The following SAMD3 variants were observed in gnomAD, a reference collection of about 807,000 sequenced individuals.
SAMD3 encodes sterile alpha motif domain-containing protein 3.
A neutral mutation model predicts 58.5 loss-of-function variants in SAMD3; 63 were observed. The ratio of observed to expected loss-of-function variants is 1.08; its 90% CI spans 0.88 to 1.33. SAMD3 has a LOEUF of 1.33. Ranked by LOEUF, SAMD3 falls within the 40% of genes most tolerant of loss-of-function variation. The pLI, the probability that SAMD3 is intolerant of heterozygous loss-of-function variation, is 0.00. For synonymous variants in SAMD3, 220 were observed against 210.3 expected (o/e 1.05, Z -0.40); for missense variants, 604 against 608.4 (o/e 0.99, Z 0.08).
chr6:130,283,234 CAGGT>C (rs371363761), intron 2 of SAMD3, among the ~76,000 whole-genome samples: 5 of 152,068 alleles, frequency 3.3e-5, no homozygotes, highest in African/African-American at 1.2e-4. Flanking sequence ...AATTAGAAAA[CAGGT>C]AGGAGAAATT....
chr6:130,357,109 C>T (rs1777853075), intron 1 of SAMD3, among the ~76,000 whole-genome samples: 1 of 149,440 alleles, frequency 6.7e-6, no homozygotes, highest in Non-Finnish European at 1.5e-5. Context: ...AAATTATCTG[C>T]CATGGCATCT....
chr6:130,234,367 T>G (rs1337255153), intron 2 of SAMD3, among the ~76,000 whole-genome samples: 4 of 152,194 alleles, frequency 2.6e-5, no homozygotes, highest in Non-Finnish European at 4.4e-5. Context: ...TGACTATTTC[T>G]TCTCAATATC....
intron 8 of SAMD3, among the ~76,000 whole-genome samples, chr6:130,162,915 T>A (rs1790396319): frequency 6.6e-6 from 1 of 152,194 alleles, no homozygotes; most frequent in African/African-American, 2.4e-5. Flanking sequence ...AAATTGATAT[T>A]TCTAATTTTT....
chr6:130,231,656 G>A (rs1582983456), intron 2 of SAMD3, among the ~76,000 whole-genome samples: 1 of 152,128 alleles, frequency 6.6e-6, no homozygotes, highest in East Asian at 1.9e-4. Context: ...TTAAATGTTG[G>A]GTGTTTAAAT....
intron 1 of SAMD3, among the ~76,000 whole-genome samples, chr6:130,356,456 G>A (rs971090390): frequency 6.6e-6 from 1 of 152,152 alleles, no homozygotes; most frequent in Non-Finnish European, 1.5e-5. Flanking sequence ...CTCATCCCAG[G>A]ATTACTGTCT....
chr6:130,291,405 G>A (rs1180040988), intron 2 of SAMD3, among the ~76,000 whole-genome samples: 2 of 152,124 alleles, frequency 1.3e-5, no homozygotes, highest in South Asian at 4.1e-4. Context: ...ATGCCCAGCC[G>A]ATAATTGACC....
chr6:130,169,796 C>T (rs760857886), intron 8 of SAMD3, among the ~76,000 whole-genome samples: 1 of 152,196 alleles, frequency 6.6e-6, no homozygotes, highest in African/African-American at 2.4e-5. Flanking sequence ...TATTTAGACT[C>T]GTGTCCAGGG....
intron 7 of SAMD3, chr6:130,182,899 G>A (rs1024695592): frequency 6.3e-6 from 1 of 158,106 alleles, no homozygotes; most frequent in Admixed American, 6.2e-5. Flanking sequence ...GGCATATAGA[G>A]ATACAGGGAA....
At chr6:130,282,834 C>T (rs1244949224) in intron 2 of SAMD3, among the ~76,000 whole-genome samples, 3 of 152,082 alleles carry the variant, frequency 2.0e-5, no homozygotes, top group African/African-American at 7.2e-5. Flanking sequence ...AAAAATTGGA[C>T]CCAGCAGGGT....
intron 2 of SAMD3, among the ~76,000 whole-genome samples, chr6:130,284,427 C>T (rs775415437): frequency 1.3e-5 from 2 of 151,608 alleles, no homozygotes; most frequent in African/African-American, 2.4e-5. Flanking sequence ...CTTAGTTAAT[C>T]TTATAGAAGG....
intron 1 of SAMD3, among the ~76,000 whole-genome samples, chr6:130,316,572 C>G (rs768334789): frequency 2.6e-5 from 4 of 152,110 alleles, no homozygotes; most frequent in Non-Finnish European, 5.9e-5. Flanking sequence ...TATCCTTACA[C>G]CTCACAAATA....
chr6:130,219,970 T>C (rs1018412951), intron 1 of SAMD3, among the ~76,000 whole-genome samples: 2 of 152,218 alleles, frequency 1.3e-5, no homozygotes, highest in Non-Finnish European at 2.9e-5. Flanking sequence ...AGCACAGTCA[T>C]AGTAACTTAA....
chr6:130,202,151 C>T (rs1794702983), intron 5 of SAMD3, among the ~76,000 whole-genome samples: 1 of 152,204 alleles, frequency 6.6e-6, no homozygotes, highest in Admixed American at 6.5e-5. Context: ...ATATCTTCCC[C>T]TGACAGAAAG....
At chr6:130,246,090 A>G (rs1773534715) in intron 2 of SAMD3, among the ~76,000 whole-genome samples, 1 of 152,192 alleles carries the variant, frequency 6.6e-6, no homozygotes, top group East Asian at 1.9e-4. Context: ...TCAAGCAGTA[A>G]ATAGAGAAAG....
At chr6:130,285,538 C>A (rs900282714) in intron 2 of SAMD3, among the ~76,000 whole-genome samples, 1 of 152,076 alleles carries the variant, frequency 6.6e-6, no homozygotes, top group African/African-American at 2.4e-5. Context: ...CATGAGGGTG[C>A]ACGGTTGAGG....
chr6:130,262,574 C>A, intron 2 of SAMD3, among the ~76,000 whole-genome samples: 1 of 143,638 alleles, frequency 7.0e-6, no homozygotes, highest in Non-Finnish European at 1.5e-5. Flanking sequence ...ATGGTTCCTC[C>A]CAGGTAATTG....
At chr6:130,237,208 G>A (rs921216338) in intron 2 of SAMD3, among the ~76,000 whole-genome samples, 4 of 152,086 alleles carry the variant, frequency 2.6e-5, no homozygotes, top group African/African-American at 9.7e-5. Flanking sequence ...AAGGGGTCTG[G>A]GTAGTGAGGC....
intron 1 of SAMD3, among the ~76,000 whole-genome samples, chr6:130,218,494 T>C (rs1252121937): frequency 6.6e-6 from 1 of 152,192 alleles, no homozygotes; most frequent in Non-Finnish European, 1.5e-5. Context: ...AAATAAAAAC[T>C]GAAATATTCA....
intron 9 of SAMD3, among the ~76,000 whole-genome samples, chr6:130,154,315 A>G (rs181873622): frequency 1.3e-5 from 2 of 149,884 alleles, no homozygotes; most frequent in Non-Finnish European, 3.0e-5. Context: ...TGAAATTCCT[A>G]TCAAATGGCT....
Sources: allele counts gnomAD v4.1 joint callset (sites outside exome capture counted in the v4.1 genomes callset), GRCh38; gene constraint gnomAD v4.1.1; transcripts MANE v1.5; gene names NCBI Gene and HGNC (gene_info 2026-07-23, HGNC 2026-07-21).